The following PPP1R9A variants were observed in gnomAD, a reference collection of about 807,000 sequenced individuals.
PPP1R9A encodes protein phosphatase 1 regulatory subunit 9A.
Under a neutral mutation model 141.9 loss-of-function variants are expected in PPP1R9A, and 59 were observed. The ratio of observed to expected loss-of-function variants is 0.42; its 90% CI spans 0.34 to 0.52. PPP1R9A has a LOEUF of 0.52. Ranked by LOEUF, PPP1R9A falls within the 20% of genes least tolerant of loss-of-function variation. The probability of loss-of-function intolerance (pLI) is 0.10; values close to 1 mark genes in which losing one functional copy is unlikely to be tolerated. For missense variants in PPP1R9A, 1,444 were observed against 1,611.9 expected, an observed-to-expected ratio of 0.90 and a Z score of 1.78; for synonymous variants, 500 against 569.7, an observed-to-expected ratio of 0.88 and a Z score of 1.74.
intron 2 of PPP1R9A, among the ~76,000 whole-genome samples, chr7:95,001,362 T>A (rs1802896252): frequency 6.6e-6 from 1 of 152,208 alleles, no homozygotes; most frequent in African/African-American, 2.4e-5. Flanking sequence ...AGCTTTTCAA[T>A]GGTGTTTTCC....
chr7:95,162,551 G>A (rs1279441298), intron 5 of PPP1R9A, among the ~76,000 whole-genome samples: 2 of 152,142 alleles, frequency 1.3e-5, no homozygotes, highest in African/African-American at 2.4e-5. Context: ...AAGCAGTTTA[G>A]AGCTAGTTGA....
chr7:95,199,953 G>C (rs1203291542), intron 6 of PPP1R9A, among the ~76,000 whole-genome samples: 2 of 151,992 alleles, frequency 1.3e-5, no homozygotes, highest in East Asian at 3.9e-4. Context: ...AGGATTTTTG[G>C]TCTTAGGTTC....
intron 2 of PPP1R9A, among the ~76,000 whole-genome samples, chr7:95,057,444 C>T (rs1171729640): frequency 6.6e-6 from 1 of 152,008 alleles, no homozygotes; most frequent in Non-Finnish European, 1.5e-5. Flanking sequence ...TGGTTTGTTT[C>T]TCATTTAGTG....
chr7:95,082,173 G>C (rs552136496), intron 2 of PPP1R9A, among the ~76,000 whole-genome samples: 1 of 152,290 alleles, frequency 6.6e-6, no homozygotes, highest in South Asian at 2.1e-4. Flanking sequence ...TTACGTTTCT[G>C]CTGTCTTACT....
At chr7:95,006,419 G>C (rs776701300) in intron 2 of PPP1R9A, among the ~76,000 whole-genome samples, 1 of 151,728 alleles carries the variant, frequency 6.6e-6, no homozygotes, top group East Asian at 1.9e-4. Flanking sequence ...GGGTTTTACC[G>C]TGTTGGCCAG....
At chr7:94,981,659 A>G (rs1438996511) in intron 2 of PPP1R9A, among the ~76,000 whole-genome samples, 2 of 152,126 alleles carry the variant, frequency 1.3e-5, no homozygotes, top group Non-Finnish European at 1.5e-5. Context: ...TGAAGTCTTC[A>G]TCTTAGGCTA....
chr7:95,083,099 C>G (rs984549086), intron 2 of PPP1R9A, among the ~76,000 whole-genome samples: 2 of 151,648 alleles, frequency 1.3e-5, no homozygotes, highest in South Asian at 2.1e-4. Context: ...GCTGTGGTCC[C>G]ATAACAAAAG....
chr7:95,199,992 A>C (rs1352488300), intron 6 of PPP1R9A, among the ~76,000 whole-genome samples: 1 of 151,904 alleles, frequency 6.6e-6, no homozygotes, highest in Non-Finnish European at 1.5e-5. Flanking sequence ...CAAGTGGTGG[A>C]AGGGGACATG....
At chr7:94,925,490 G>C (rs1408052616) in intron 2 of PPP1R9A, among the ~76,000 whole-genome samples, 1 of 150,804 alleles carries the variant, frequency 6.6e-6, no homozygotes, top group African/African-American at 2.5e-5. Flanking sequence ...TGTCTTAGTG[G>C]GGGAGTTGGT....
chr7:95,095,027 C>T (rs1817847536), intron 2 of PPP1R9A, among the ~76,000 whole-genome samples: 1 of 151,378 alleles, frequency 6.6e-6, no homozygotes, highest in African/African-American at 2.4e-5. Context: ...TGTCCTCAAA[C>T]ATGAGAAACC....
In PPP1R9A at chr7:95,161,959, A is replaced by G; in HGVS notation, c.1742A>G (p.Lys581Arg). The change falls in exon 5 of 20, where the codon AAG becomes AGG. Residue 581 changes from lysine to arginine, a missense_variant. Physicochemically the swap from Lys to Arg is conservative, Grantham distance 26 (BLOSUM62 2). Transcript: ENST00000433360. ...NFAATVLRNT[K>R]GNVRFVIGRE... is the part of the protein sequence containing the mutation. The stretch of plus-strand genomic sequence containing the variant: ...GCAGCAACAGTTCTCAGAAACACCA[A>G]GGGCAACGTCAGGTAAATACGTGCC... 1 of 1,607,296 alleles carries G rather than the reference A, an allele frequency of 6.2e-7. No homozygotes were observed. Among genetic ancestry groups the G allele is most frequent in the Non-Finnish European group, 8.5e-7 (1 of 1,175,562 alleles).
At chr7:95,029,412 A>G (rs543117150) in intron 2 of PPP1R9A, among the ~76,000 whole-genome samples, 1 of 152,324 alleles carries the variant, frequency 6.6e-6, no homozygotes, top group South Asian at 2.1e-4. Context: ...AATATTTGGA[A>G]AAACAATTAG....
At chr7:95,096,025 C>T (rs1029351471) in intron 2 of PPP1R9A, among the ~76,000 whole-genome samples, 8 of 151,838 alleles carry the variant, frequency 5.3e-5, no homozygotes, top group Admixed American at 2.6e-4. Flanking sequence ...TTTTTTTAAA[C>T]CTCTATCAGC....
intron 7 of PPP1R9A, among the ~76,000 whole-genome samples, chr7:95,214,721 A>G (rs888396373): frequency 2.6e-5 from 4 of 152,166 alleles, no homozygotes; most frequent in African/African-American, 7.2e-5. Flanking sequence ...TATACTTTCT[A>G]AAAGGAAGGG....
At chr7:95,159,925 CAA>C (rs751687197) in intron 4 of PPP1R9A, among the ~76,000 whole-genome samples, 7 of 106,672 alleles carry the variant, frequency 6.6e-5, no homozygotes, top group Non-Finnish European at 9.4e-5. Flanking sequence ...GACATTGTCT[CAA>C]AAAAAAAAAA....
chr7:95,172,083 A>G (rs1832200453), intron 5 of PPP1R9A, among the ~76,000 whole-genome samples: 2 of 151,642 alleles, frequency 1.3e-5, no homozygotes, highest in Admixed American at 1.3e-4. Context: ...AGGAAACTTG[A>G]AATAGAAGGG....
At chr7:95,124,770 C>T (rs1197209988) in intron 4 of PPP1R9A, among the ~76,000 whole-genome samples, 1 of 151,998 alleles carries the variant, frequency 6.6e-6, no homozygotes, top group African/African-American at 2.4e-5. Context: ...TTAGTCATAC[C>T]TCCTTCAAGG....
chr7:95,173,872 T>C (rs1832524842), intron 5 of PPP1R9A, among the ~76,000 whole-genome samples: 1 of 152,094 alleles, frequency 6.6e-6, no homozygotes. Flanking sequence ...GATACCACTA[T>C]GCATTGATAA....
At chr7:95,133,513 T>TTTTATATATATATA (rs1438772952) in intron 4 of PPP1R9A, among the ~76,000 whole-genome samples, 1 of 132,686 alleles carries the variant, frequency 7.5e-6, no homozygotes, top group Non-Finnish European at 1.6e-5. Flanking sequence ...TGCAGTCGTA[T>TTTTATATATATATA]TATATATATA....
Sources: allele counts gnomAD v4.1 joint callset (sites outside exome capture counted in the v4.1 genomes callset), GRCh38; gene constraint gnomAD v4.1.1; transcripts MANE v1.5; gene names NCBI Gene and HGNC (gene_info 2026-07-23, HGNC 2026-07-21).